MAPK10: variants seen among roughly 807,000 people sequenced by gnomAD.
The protein encoded by MAPK10 is JNK3 alpha protein kinase.
In MAPK10, 25 loss-of-function variants were observed where a neutral mutation model predicts 59.3. That is an observed-to-expected ratio of 0.42 (90% CI 0.31 to 0.59). MAPK10 has a LOEUF of 0.59. MAPK10 is among the 20% of genes least tolerant of loss of function. The probability of loss-of-function intolerance (pLI) is 0.15; values close to 1 mark genes in which losing one functional copy is unlikely to be tolerated. For synonymous variants in MAPK10, 190 were observed against 200.5 expected, an observed-to-expected ratio of 0.95 and a Z score of 0.44; for missense variants, 351 against 568.9, an observed-to-expected ratio of 0.62 and a Z score of 3.90.
At chr4:86,377,014 C>G (rs941624504) in intron 1 of MAPK10, among the ~76,000 whole-genome samples, 1 of 152,194 alleles carries the variant, frequency 6.6e-6, no homozygotes, top group Non-Finnish European at 1.5e-5. Flanking sequence ...TACAAGCAGG[C>G]AGCCATTTCC....
intron 1 of MAPK10, among the ~76,000 whole-genome samples, chr4:86,486,730 C>T (rs1437839857): frequency 6.6e-6 from 1 of 152,152 alleles, no homozygotes; most frequent in African/African-American, 2.4e-5. Flanking sequence ...AGATGAGGAA[C>T]AGGATATGTA....
chr4:86,051,352 C>T lies in MAPK10; in HGVS notation c.1110+12914G>A, dbSNP rs536522323. 2.1e-4 allele frequency among the ~76,000 whole-genome samples: 28 copies of T among 136,498 alleles called. No individual in the cohort carries two copies. The South Asian group carries it at 6.8e-3, about 33-fold the overall frequency. 89.5% of individuals were successfully genotyped at this position (136,498 alleles called of 152,430 possible). A position where few individuals can be genotyped will look rare whatever the true frequency, so the allele number is the denominator to read the frequency against. On this transcript the variant is annotated intron_variant, in intron 11 of 13. Transcript: ENST00000641462. Reference sequence around the variant, plus strand: ...CTCACATATAACGAATGCCCTAGGGCCTAAGTCATGGATCTACACTTGGGA... The same window carrying T: ...CTCACATATAACGAATGCCCTAGGGTCTAAGTCATGGATCTACACTTGGGA...
chr4:86,554,410 T>TA (rs906369326), intron 1 of MAPK10, among the ~76,000 whole-genome samples: 7 of 152,140 alleles, frequency 4.6e-5, no homozygotes, highest in African/African-American at 1.4e-4. Context: ...ATACATTTTT[T>TA]AAAAAAGAAG....
At chr4:86,449,544 G>A (rs536678369) in intron 1 of MAPK10, among the ~76,000 whole-genome samples, 1 of 152,094 alleles carries the variant, frequency 6.6e-6, no homozygotes, top group African/African-American at 2.4e-5. Flanking sequence ...TGTGATACAT[G>A]AACAGATGAT....
At chr4:86,190,141 T>C (rs145904572) in intron 3 of MAPK10, among the ~76,000 whole-genome samples, 12,910 of 152,100 alleles carry the variant, frequency 0.085, 1,214 homozygotes, top group African/African-American at 0.23. Flanking sequence ...CTGCTGGATT[T>C]GGTTTGTCAG....
chr4:86,208,708 C>T (rs1337028681), intron 2 of MAPK10, among the ~76,000 whole-genome samples: 1 of 151,892 alleles, frequency 6.6e-6, no homozygotes, highest in Non-Finnish European at 1.5e-5. Context: ...CTCAGCACTC[C>T]TATTCAACAT....
intron 2 of MAPK10, among the ~76,000 whole-genome samples, chr4:86,205,136 G>A (rs1033911217): frequency 4.6e-5 from 7 of 151,842 alleles, no homozygotes; most frequent in African/African-American, 1.7e-4. Context: ...TTTTTAAGTG[G>A]TAAGGGATAG....
chr4:86,014,303 G>GGGGGGTGT lies in MAPK10; in HGVS notation c.*2924_*2925insACACCCCC, dbSNP rs1376156770. 3.5e-5 allele frequency: 5 copies of GGGGGGTGT among 143,892 alleles called. No individual in the cohort carries two copies. The highest frequency in any genetic ancestry group is 2.1e-4 in the Admixed American group (3 of 14,380). 8.9% of individuals were successfully genotyped at this position (143,892 alleles called of 1,614,324 possible). A position where few individuals can be genotyped will look rare whatever the true frequency, so the allele number is the denominator to read the frequency against. ...AGGTGACTATTTAAGAAATATTTGG[G>GGGGGGTGT]GTGTGTGTGTGTGTGTGTGTGTGTG... On this transcript the variant is annotated 3_prime_UTR_variant, in exon 14 of 14. Coordinates refer to ENST00000641462, the MANE Select transcript of MAPK10 (RefSeq NM_138982.4).
chr4:86,377,557 T>C (rs1321859607), intron 1 of MAPK10, among the ~76,000 whole-genome samples: 1 of 152,246 alleles, frequency 6.6e-6, no homozygotes, highest in African/African-American at 2.4e-5. Flanking sequence ...GACCTTTCTA[T>C]TTATGTCTAT....
chr4:86,071,470 G>A (rs2047946316), intron 9 of MAPK10, among the ~76,000 whole-genome samples: 2 of 142,860 alleles, frequency 1.4e-5, no homozygotes, highest in African/African-American at 2.7e-5. Flanking sequence ...CCTTGCCCAT[G>A]CCTATGTCCT....
At chr4:86,019,765 T>C (rs1194380165) in intron 13 of MAPK10, among the ~76,000 whole-genome samples, 1 of 152,216 alleles carries the variant, frequency 6.6e-6, no homozygotes, top group Non-Finnish European at 1.5e-5. Context: ...GACTCTATTA[T>C]AAAGGCCTGA....
chr4:86,426,824 A>C (rs1169258538), intron 1 of MAPK10, among the ~76,000 whole-genome samples: 1 of 152,216 alleles, frequency 6.6e-6, no homozygotes, highest in Non-Finnish European at 1.5e-5. Flanking sequence ...TTCATTTGAA[A>C]GAATAAAGTG....
chr4:86,555,427 CAG>C (rs1214444992), intron 1 of MAPK10, among the ~76,000 whole-genome samples: 2 of 152,128 alleles, frequency 1.3e-5, no homozygotes, highest in African/African-American at 4.8e-5. Context: ...GCCTGGGTGA[CAG>C]AGTTGAGACT....
chr4:86,284,241 G>A (rs1056469338), intron 2 of MAPK10, among the ~76,000 whole-genome samples: 4 of 152,162 alleles, frequency 2.6e-5, no homozygotes, highest in Non-Finnish European at 5.9e-5. Context: ...GCTTAAAAGA[G>A]TTAAGTAATT....
At chr4:86,068,082 A>G (rs1404070032) in intron 9 of MAPK10, 127 bp from the exon 10 acceptor site, 6 of 532,252 alleles carry the variant, frequency 1.1e-5, no homozygotes, top group Non-Finnish European at 1.9e-5. Context: ...AGCAACAAAG[A>G]ATGAAAATAT....
At chr4:86,312,002 C>T (rs760469659) in intron 2 of MAPK10, among the ~76,000 whole-genome samples, 18 of 152,038 alleles carry the variant, frequency 1.2e-4, no homozygotes, top group Non-Finnish European at 2.2e-4. Flanking sequence ...CATCCTTATC[C>T]TATCTGACCA....
intron 3 of MAPK10, among the ~76,000 whole-genome samples, chr4:86,191,041 G>A (rs929763860): frequency 6.6e-6 from 1 of 152,158 alleles, no homozygotes; most frequent in Non-Finnish European, 1.5e-5. Context: ...CAGTATCTAT[G>A]TAGTTCTGTG....
At chr4:86,020,891 C>T (rs1157224353) in intron 13 of MAPK10, 4 of 152,320 alleles carry the variant, frequency 2.6e-5, no homozygotes, top group Non-Finnish European at 4.4e-5. Context: ...AACAAAGCTT[C>T]CACACTGTGG....
chr4:86,194,598 C>T (rs2080841050), intron 2 of MAPK10, among the ~76,000 whole-genome samples, 191 bp from the exon 3 acceptor site: 1 of 151,880 alleles, frequency 6.6e-6, no homozygotes, highest in Admixed American at 6.6e-5. Context: ...TTAAAATGTC[C>T]TATCTTTTAT....
Sources: gnomAD v4.1 joint callset for allele counts (sites outside exome capture counted in the v4.1 genomes callset) on GRCh38, gnomAD v4.1.1 for gene constraint, MANE v1.5 for transcripts, NCBI Gene and HGNC (gene_info 2026-07-23, HGNC 2026-07-21) for gene names.